The following IKZF2 variants were observed in gnomAD, a reference collection of about 807,000 sequenced individuals.
IKZF2 encodes the protein IKAROS family zinc finger 2.
Under a neutral mutation model 49.2 loss-of-function variants are expected in IKZF2, and 15 were observed. That is an observed-to-expected ratio of 0.30 (90% CI 0.20 to 0.47). The LOEUF (loss-of-function observed/expected upper bound fraction) is 0.47. IKZF2 is among the 20% of genes least tolerant of loss of function. The pLI, the probability that IKZF2 is intolerant of heterozygous loss-of-function variation, is 1.00. For synonymous variants in IKZF2, 227 were observed against 221.4 expected, an observed-to-expected ratio of 1.03 and a Z score of -0.23; for missense variants, 567 against 664.6, an observed-to-expected ratio of 0.85 and a Z score of 1.61.
At chr2:213,067,417 C>A (rs1702263957) in intron 4 of IKZF2, among the ~76,000 whole-genome samples, 1 of 151,888 alleles carries the variant, frequency 6.6e-6, no homozygotes. Flanking sequence ...TAGGGGCAAG[C>A]ATGAAGAGAG....
intron 3 of IKZF2, 90 bp from the exon 4 acceptor site, chr2:213,147,902 A>G: frequency 3.5e-6 from 3 of 846,776 alleles, no homozygotes; most frequent in East Asian, 2.4e-5. Flanking sequence ...AATGGCATGC[A>G]TAGCCTTCAA....
intron 6 of IKZF2, among the ~76,000 whole-genome samples, chr2:213,047,118 C>G (rs1273182683): frequency 1.3e-5 from 2 of 152,154 alleles, no homozygotes; most frequent in Non-Finnish European, 2.9e-5. Flanking sequence ...CCTTCCCTTT[C>G]TCTTCAATAT....
intron 4 of IKZF2, among the ~76,000 whole-genome samples, chr2:213,097,626 C>G (rs1030172681): frequency 6.6e-6 from 1 of 152,006 alleles, no homozygotes; most frequent in Non-Finnish European, 1.5e-5. Flanking sequence ...TAATTAATAA[C>G]TCTTTAAGAA....
At chr2:213,148,567 A>G (rs1270331704) in intron 3 of IKZF2, 29 bp downstream of exon 3, 1 of 1,555,934 alleles carries the variant, frequency 6.4e-7, no homozygotes, top group Non-Finnish European at 8.8e-7. Flanking sequence ...TTTATTACCA[A>G]TAACAAATCA....
At chr2:213,019,579 A>G (rs1361670421) in intron 7 of IKZF2, among the ~76,000 whole-genome samples, 1 of 152,246 alleles carries the variant, frequency 6.6e-6, no homozygotes, top group Non-Finnish European at 1.5e-5. Flanking sequence ...CAGAAAAAGT[A>G]TGGTATGAAA....
intron 4 of IKZF2, among the ~76,000 whole-genome samples, chr2:213,093,932 T>C (rs1347709159): frequency 2.0e-5 from 3 of 152,152 alleles, no homozygotes; most frequent in African/African-American, 4.8e-5. Flanking sequence ...TCATTCTTAT[T>C]TGGGAAGTTA....
intron 4 of IKZF2, among the ~76,000 whole-genome samples, chr2:213,067,206 G>A (rs1702243030): frequency 6.6e-6 from 1 of 152,014 alleles, no homozygotes. Flanking sequence ...CAATACACTT[G>A]GAACTACTTG....
intron 4 of IKZF2, among the ~76,000 whole-genome samples, chr2:213,146,759 C>CAG (rs1553604930): frequency 0.13 from 11,046 of 87,166 alleles, 1,707 homozygotes; most frequent in African/African-American, 0.35. Flanking sequence ...ATTAAATCTT[C>CAG]GGGGGGGGGG....
At chr2:213,120,424 C>A (rs1191465188) in intron 4 of IKZF2, among the ~76,000 whole-genome samples, 1 of 152,118 alleles carries the variant, frequency 6.6e-6, no homozygotes, top group Non-Finnish European at 1.5e-5. Context: ...AAAGAAAAGG[C>A]AATTTGAAAG....
intron 6 of IKZF2, among the ~76,000 whole-genome samples, chr2:213,035,177 G>A (rs1574563932): frequency 6.6e-6 from 1 of 152,188 alleles, no homozygotes; most frequent in African/African-American, 2.4e-5. Context: ...GCATTTCTGT[G>A]AGTATATATT....
intron 4 of IKZF2, among the ~76,000 whole-genome samples, chr2:213,079,874 C>T (rs1703738267): frequency 6.6e-6 from 1 of 152,150 alleles, no homozygotes; most frequent in African/African-American, 2.4e-5. Flanking sequence ...CCTAAATGAA[C>T]CACACTTTGT....
At chr2:213,021,092 A>G (rs551885748) in intron 7 of IKZF2, among the ~76,000 whole-genome samples, 1 of 152,262 alleles carries the variant, frequency 6.6e-6, no homozygotes, top group East Asian at 1.9e-4. Context: ...ACATGCCTGT[A>G]ATCCCAGTTA....
chr2:213,041,600 C>T (rs946746471), intron 6 of IKZF2, among the ~76,000 whole-genome samples: 1 of 152,100 alleles, frequency 6.6e-6, no homozygotes, highest in Admixed American at 6.5e-5. Context: ...CCGTGCCCGG[C>T]CACAACTTGA....
intron 4 of IKZF2, among the ~76,000 whole-genome samples, chr2:213,059,865 G>C (rs1553562788): frequency 6.6e-6 from 1 of 151,168 alleles, no homozygotes; most frequent in Non-Finnish European, 1.5e-5. Flanking sequence ...AATAAATACA[G>C]AAAAAATGTA....
chr2:213,088,011 G>A (rs1704852909), intron 4 of IKZF2, among the ~76,000 whole-genome samples: 2 of 152,124 alleles, frequency 1.3e-5, no homozygotes, highest in African/African-American at 4.8e-5. Context: ...AATCCTTTGG[G>A]TATATACCCA....
chr2:213,124,698 A>G (rs973219201), intron 4 of IKZF2, among the ~76,000 whole-genome samples: 1 of 152,242 alleles, frequency 6.6e-6, no homozygotes, highest in Non-Finnish European at 1.5e-5. Flanking sequence ...TATTTCCTGA[A>G]TAAGTATACA....
At chr2:213,092,012 C>T (rs1047694690) in intron 4 of IKZF2, among the ~76,000 whole-genome samples, 1 of 151,100 alleles carries the variant, frequency 6.6e-6, no homozygotes, top group South Asian at 2.1e-4. Flanking sequence ...ATTTATTATA[C>T]TAGTATTTGT....
At chr2:213,132,008 A>T (rs2060489083) in intron 4 of IKZF2, among the ~76,000 whole-genome samples, 1 of 152,214 alleles carries the variant, frequency 6.6e-6, no homozygotes, top group Admixed American at 6.5e-5. Flanking sequence ...AATATTTCTT[A>T]AATTATTTCT....
intron 4 of IKZF2, among the ~76,000 whole-genome samples, chr2:213,063,816 C>T (rs1356795108): frequency 1.3e-5 from 2 of 151,988 alleles, no homozygotes; most frequent in Non-Finnish European, 2.9e-5. Flanking sequence ...AAACAAGTAA[C>T]TTACATTAGT....
Sources: allele counts gnomAD v4.1 joint callset (sites outside exome capture counted in the v4.1 genomes callset), GRCh38; gene constraint gnomAD v4.1.1; transcripts MANE v1.5; gene names NCBI Gene and HGNC (gene_info 2026-07-23, HGNC 2026-07-21).